The following FAM180A variants were observed in gnomAD, a reference collection of about 807,000 sequenced individuals.
FAM180A encodes protein FAM180A.
A neutral mutation model predicts 15.3 loss-of-function variants in FAM180A; 14 were observed. That is an observed-to-expected ratio of 0.92 (90% confidence interval 0.61 to 1.43). The LOEUF is 1.43. Among genes scored for constraint, FAM180A ranks in the 40% most tolerant of loss-of-function variants. The pLI is 0.00. For missense variants in FAM180A, 200 were observed against 220.8 expected (o/e 0.91, Z 0.60); for synonymous variants, 90 against 96.8 (o/e 0.93, Z 0.41).
chr7:135,740,328 C>T (rs189186625), intron 1 of FAM180A, among the ~76,000 whole-genome samples: 38 of 152,296 alleles, frequency 2.5e-4, no homozygotes, highest in Non-Finnish European at 4.6e-4. Flanking sequence ...TAATGACAGC[C>T]GAGGTTGAGA....
Position 135,748,663 on chromosome 7 carries a change from A to G in FAM180A, c.-83T>C, listed in dbSNP as rs1012530843. 6.7e-6 allele frequency: 7 copies of G among 1,051,666 alleles called. No individual in the cohort carries two copies. The highest frequency in any genetic ancestry group is 3.1e-5 in the African/African-American group (2 of 63,830). The allele number at this position is 1,051,666 out of a possible 1,614,324, so 65.1% of individuals were successfully genotyped here. On this transcript the variant is annotated 5_prime_UTR_variant, in exon 1 of 4. Coordinates refer to ENST00000338588, the MANE Select transcript of FAM180A (RefSeq NM_205855.4). ...CAGGTATGCCCGTGCCGTTCTTCCC[A>G]GTGAGATGATGGAGTGCTTCCCTCC...
rs139222016 is a variant in FAM180A, at chr7:135,736,268, G to A, written c.177+831C>T. Among the ~76,000 whole-genome samples the A allele has an allele frequency of 6.6e-5, 10 of 152,292 alleles. No homozygotes were observed. In the East Asian group the frequency reaches 1.5e-3, roughly 23 times the overall value. ...GAACACCTGACCTTGTGATCCGCCC[G>A]CCTTGGCCTTCCAAAGTGCTGGGAT... On this transcript the variant is annotated intron_variant, in intron 2 of 3. Transcript: ENST00000338588.
At chr7:135,745,459 C>T (rs759439184) in intron 1 of FAM180A, among the ~76,000 whole-genome samples, 4 of 151,782 alleles carry the variant, frequency 2.6e-5, no homozygotes, top group African/African-American at 4.8e-5. Context: ...TGTGCTGGGA[C>T]GTGGGCCACC....
At chr7:135,742,052 C>T (rs1373918687) in intron 1 of FAM180A, among the ~76,000 whole-genome samples, 10 of 152,194 alleles carry the variant, frequency 6.6e-5, no homozygotes, top group African/African-American at 2.2e-4. Context: ...TGCTGCCCCT[C>T]ACATTTCTGT....
chr7:135,743,087 G>A (rs1041868968), intron 1 of FAM180A, among the ~76,000 whole-genome samples: 5 of 152,150 alleles, frequency 3.3e-5, no homozygotes, highest in Non-Finnish European at 2.9e-5. Context: ...GATAGAAAAC[G>A]TATTCTTAAG....
Position 135,748,593 on chromosome 7 carries a change from A to G in FAM180A, c.-13T>C, listed in dbSNP as rs375845387. On this transcript the variant is annotated 5_prime_UTR_variant, in exon 1 of 4. Transcript: ENST00000338588. ...TCTTCCAATGCATCTTGTCCTTCAA[A>G]AGGTGAAAAATCGACCCTCAAGCCC... 16 of 1,613,198 alleles carry G rather than the reference A, an allele frequency of 9.9e-6. No individual in the cohort carries two copies. Among genetic ancestry groups the G allele is most frequent in the Non-Finnish European group, 1.4e-5 (16 of 1,179,128 alleles).
intron 2 of FAM180A, among the ~76,000 whole-genome samples, chr7:135,735,454 G>A (rs1289407990): frequency 6.6e-6 from 1 of 152,146 alleles, no homozygotes; most frequent in Non-Finnish European, 1.5e-5. Context: ...GCACATCCCT[G>A]GGTAGTGCCA....
rs1039677423 is a variant in FAM180A, at chr7:135,737,287, T to C, written c.77-88A>G. 23 of 1,090,976 alleles carry C rather than the reference T, an allele frequency of 2.1e-5. 1 individual carries two copies. The highest frequency in any genetic ancestry group is 2.4e-4 in the Middle Eastern group (1 of 4,142). The allele number at this position is 1,090,976 out of a possible 1,614,324, so 67.6% of individuals were successfully genotyped here. A position where few individuals can be genotyped will look rare whatever the true frequency, so the allele number is the denominator to read the frequency against. On this transcript the variant is annotated intron_variant, in intron 1 of 3. Transcript: ENST00000338588. ...CCACCTTGAAGGTAGTCAAGGAGTC[T>C]TAAAAACGGACTGACTTGGCCAGGC... is the stretch of plus-strand genomic sequence containing the variant.
chr7:135,734,048 T>G lies in FAM180A; in HGVS notation c.449A>C (p.Gln150Pro), dbSNP rs59178195. The change falls in exon 3 of 4, where the codon CAG becomes CCG. Residue 150 changes from glutamine (Q) to proline (P), a missense_variant. Gln to Pro is a moderately conservative substitution (Grantham distance 76, BLOSUM62 -1). Coordinates refer to ENST00000338588, the MANE Select transcript of FAM180A (RefSeq NM_205855.4). ...SHGHQKDIWA[Q>P]SLVSLFQALR... is the part of the protein sequence containing the mutation. ...GGCCTGGAAGAGGCTAACGAGGGAC[T>G]GCGCCCAGATGTCCTTCTGATGGCC... 2,249 of 1,614,220 alleles carry G rather than the reference T, an allele frequency of 1.4e-3. 18 individuals are homozygous for G. The East Asian group carries it at 0.016, about 11-fold the overall frequency.
intron 2 of FAM180A, 123 bp downstream of exon 2, chr7:135,736,976 C>T: frequency 2.7e-6 from 2 of 744,814 alleles, no homozygotes; most frequent in Non-Finnish European, 4.7e-6. Flanking sequence ...TAGGCTATTC[C>T]CTACCACAGC....
chr7:135,732,514 G>A (rs1046541402), intron 3 of FAM180A, among the ~76,000 whole-genome samples: 24 of 152,292 alleles, frequency 1.6e-4, no homozygotes, highest in Middle Eastern at 3.4e-3. Flanking sequence ...CCAACATGGC[G>A]AAAAACTGTC....
chr7:135,731,377 A>G (rs569614301), intron 3 of FAM180A, among the ~76,000 whole-genome samples: 17 of 152,118 alleles, frequency 1.1e-4, no homozygotes, highest in Admixed American at 3.9e-4. Context: ...TACTTAGACA[A>G]TGATACCCAG....
Position 135,734,158 on chromosome 7 carries a change from G to C in FAM180A, c.339C>G (p.Ser113Arg), listed in dbSNP as rs760644779. The stretch of plus-strand genomic sequence containing the variant: ...CTTCTTTCTTGAGGATGCCAGGGTG[G>C]CTGGAGAGGCTGGCGCTGAGCCGGC... The part of the protein sequence containing the change: ...DIRRLSASLS[S>R]HPGILKKEDF... The change falls in exon 3 of 4, where the codon AGC becomes AGG. Residue 113 changes from serine (S) to arginine (R), a missense_variant. By Grantham distance (110) the Ser-to-Arg change is moderately radical. Transcript: ENST00000338588. The C allele has an allele frequency of 1.1e-5, 17 of 1,614,068 alleles. No individual in the cohort carries two copies. In the Admixed American group the frequency reaches 2.8e-4, roughly 27 times the overall value.
At chr7:135,737,370 T>C (rs1167087737) in intron 1 of FAM180A, among the ~76,000 whole-genome samples, 171 bp from the exon 2 acceptor site, 1 of 151,966 alleles carries the variant, frequency 6.6e-6, no homozygotes, top group Non-Finnish European at 1.5e-5. Flanking sequence ...GCGGATCACC[T>C]GAAGTCAGGA....
Sources: allele counts gnomAD v4.1 joint callset (sites outside exome capture counted in the v4.1 genomes callset), GRCh38; gene constraint gnomAD v4.1.1; transcripts MANE v1.5; gene names NCBI Gene and HGNC (gene_info 2026-07-23, HGNC 2026-07-21).